Variants in HSPA12A observed in about 807,000 individuals in gnomAD.
HSPA12A encodes the protein heat shock protein family A (Hsp70) member 12A, also known as heat shock 70 kDa protein 12A.
HSPA12A carries 28 observed loss-of-function variants against 69.2 expected under a neutral mutation model. That is an observed-to-expected ratio of 0.40 (90% CI 0.30 to 0.55). The LOEUF (loss-of-function observed/expected upper bound fraction) is 0.55. HSPA12A is among the 20% of genes least tolerant of loss of function. HSPA12A has a pLI of 0.38. For missense variants in HSPA12A, 686 were observed against 900.7 expected (o/e 0.76, Z 3.05); for synonymous variants, 345 against 370.5 (o/e 0.93, Z 0.79).
At chr10:116,773,997 C>G (rs1564815378) in intron 2 of HSPA12A, among the ~76,000 whole-genome samples, 1 of 151,874 alleles carries the variant, frequency 6.6e-6, no homozygotes, top group Admixed American at 6.5e-5. Context: ...GTGGGGGAAC[C>G]TGCTCTGTGG....
intron 2 of HSPA12A, among the ~76,000 whole-genome samples, chr10:116,778,421 G>A (rs538480675): frequency 2.6e-5 from 4 of 152,268 alleles, no homozygotes; most frequent in East Asian, 1.9e-4. Context: ...AGGCAGAATC[G>A]CCCTGACACG....
chr10:116,729,035 ACCTCACTAGT>A (rs1285045181), intron 1 of HSPA12A, among the ~76,000 whole-genome samples: 1 of 152,082 alleles, frequency 6.6e-6, no homozygotes, highest in Non-Finnish European at 1.5e-5. Flanking sequence ...TTTAGGCCAA[ACCTCACTAGT>A]CCTGGCTCTC....
rs781185638 is a variant in HSPA12A, at chr10:116,809,938, G to A, written c.91+24997C>T. Among the ~76,000 whole-genome samples the A allele has an allele frequency of 6.0e-4, 91 of 152,322 alleles. 1 individual carries two copies. The highest frequency in any genetic ancestry group is 9.2e-4 in the Admixed American group (14 of 15,300). Reference sequence around the variant, plus strand: ...CATGGCTGGTTCTTCCAGTCGCACAGGATCCCTGGGGAGGGACCCGGGGAA... The same window carrying A: ...CATGGCTGGTTCTTCCAGTCGCACAAGATCCCTGGGGAGGGACCCGGGGAA... On this transcript the variant is annotated intron_variant, in intron 2 of 12. Coordinates refer to the HSPA12A transcript ENST00000635765.
At chr10:116,709,973 G>A (rs370737713) in intron 1 of HSPA12A, among the ~76,000 whole-genome samples, 21 of 152,298 alleles carry the variant, frequency 1.4e-4, no homozygotes, top group Admixed American at 2.6e-4. Context: ...GCTATTAGCC[G>A]TGGGCGCTAA....
upstream of HSPA12A, chr10:116,742,718 T>A: frequency 1.9e-6 from 1 of 540,446 alleles, no homozygotes; most frequent in Non-Finnish European, 2.4e-6. Context: ...GGGAACTGCC[T>A]GGCTCCGGAG....
chr10:116,729,224 C>T (rs1851077523), intron 1 of HSPA12A, among the ~76,000 whole-genome samples: 1 of 152,164 alleles, frequency 6.6e-6, no homozygotes, highest in Admixed American at 6.5e-5. Context: ...GTCACAGGAG[C>T]CCACCCCCAA....
At chr10:116,773,024 G>C (rs1844247338) in intron 2 of HSPA12A, among the ~76,000 whole-genome samples, 1 of 152,178 alleles carries the variant, frequency 6.6e-6, no homozygotes, top group Admixed American at 6.5e-5. Context: ...TTCTGAGAAG[G>C]GGCTCATTCA....
intron 5 of HSPA12A, among the ~76,000 whole-genome samples, chr10:116,697,589 C>T (rs568275271): frequency 2.0e-5 from 3 of 152,312 alleles, no homozygotes; most frequent in Non-Finnish European, 2.9e-5. Flanking sequence ...ACCCACCCCA[C>T]TCTCCAGTTA....
chr10:116,759,380 T>C lies in HSPA12A; in HGVS notation c.92-52095A>G, dbSNP rs182375814. ...GTGTCAAGAGGAAGATGTTAATATGTCTTCTTGTGGGTCTTTCTTCTCAGA... is the reference window on the plus strand; with the variant it reads ...GTGTCAAGAGGAAGATGTTAATATGCCTTCTTGTGGGTCTTTCTTCTCAGA... On this transcript the variant is annotated intron_variant, in intron 2 of 12. Transcript: ENST00000635765. Among the ~76,000 whole-genome samples the C allele has an allele frequency of 5.1e-4, 77 of 152,300 alleles. 1 individual carries two copies. Among genetic ancestry groups the C allele is most frequent in the African/African-American group, 1.8e-3 (76 of 41,572 alleles).
chr10:116,744,248 C>T (rs1406278917), upstream of HSPA12A, among the ~76,000 whole-genome samples: 2 of 152,232 alleles, frequency 1.3e-5, no homozygotes, highest in Non-Finnish European at 2.9e-5. Flanking sequence ...ATCACCCGTC[C>T]TCTCATTTCA....
rs1294253138 is a variant in HSPA12A at position 116,723,668 on chromosome 10, G to A, written c.41-16383C>T. 6.6e-6 allele frequency among the ~76,000 whole-genome samples: 1 copy of A among 152,196 alleles called. No individual in the cohort carries two copies. Among genetic ancestry groups the A allele is most frequent in the Admixed American group, 6.5e-5 (1 of 15,288 alleles). ...GGGGCCTCCCCTGACATTCATTCCT[G>A]AGACCCACTGCGCACACGTGCTGAG... On this transcript the variant is annotated intron_variant, in intron 1 of 11. Coordinates refer to ENST00000369209, the MANE Select transcript of HSPA12A (RefSeq NM_025015.3). The surrounding 1 kb of genome is among the most constrained non-coding windows in gnomAD (Gnocchi z 4.1).
chr10:116,794,108 G>A (rs1844762640), intron 2 of HSPA12A, among the ~76,000 whole-genome samples: 1 of 152,112 alleles, frequency 6.6e-6, no homozygotes, highest in Non-Finnish European at 1.5e-5. Context: ...GGGTGGCTGA[G>A]GCAGGAGAAT....
Position 116,839,910 on chromosome 10 carries a change from C to CT in HSPA12A, c.4-4889dup, listed in dbSNP as rs973650502. On this transcript the variant is annotated intron_variant, in intron 1 of 12. Coordinates refer to the HSPA12A transcript ENST00000635765. ...AGTTTTGTGCCAAGAAGGTTAGTGCCTTTTTTTTTTTCTTTAGTATTGGGG... is the reference window on the plus strand; with the variant it reads ...AGTTTTGTGCCAAGAAGGTTAGTGCCTTTTTTTTTTTTCTTTAGTATTGGGG... Among the ~76,000 whole-genome samples the CT allele has an allele frequency of 4.6e-3, 662 of 144,638 alleles. 2 individuals are homozygous for CT. Among genetic ancestry groups the CT allele is most frequent in the African/African-American group, 0.014 (574 of 39,756 alleles). The allele number at this position is 144,638 out of a possible 152,430, so 94.9% of individuals were successfully genotyped here. A position where few individuals can be genotyped will look rare whatever the true frequency, so the allele number is the denominator to read the frequency against.
At chr10:116,701,634 C>G (rs553600264) in intron 3 of HSPA12A, among the ~76,000 whole-genome samples, 3 of 152,160 alleles carry the variant, frequency 2.0e-5, no homozygotes, top group Non-Finnish European at 2.9e-5. Flanking sequence ...CGGGGGAGAA[C>G]TGAAGAAGAG....
intron 2 of HSPA12A, among the ~76,000 whole-genome samples, chr10:116,792,613 C>CAAAAAA (rs56344323): frequency 5.6e-5 from 6 of 108,020 alleles, no homozygotes; most frequent in African/African-American, 2.3e-4. Flanking sequence ...CTTGCATCTA[C>CAAAAAA]AAAAAAAAAA....
chr10:116,797,099 A>G (rs1430209050), intron 2 of HSPA12A, among the ~76,000 whole-genome samples: 2 of 152,158 alleles, frequency 1.3e-5, no homozygotes, highest in Non-Finnish European at 2.9e-5. Flanking sequence ...GAGAGCACGC[A>G]CTTGCTGCAG....
At chr10:116,824,822 TG>T (rs372679445) in intron 2 of HSPA12A, among the ~76,000 whole-genome samples, 2 of 151,938 alleles carry the variant, frequency 1.3e-5, no homozygotes, top group African/African-American at 4.8e-5. Context: ...TTAGTAGAGA[TG>T]GGGTTTCACC....
chr10:116,695,240 A>G (rs1005174731), intron 5 of HSPA12A, among the ~76,000 whole-genome samples: 1 of 151,508 alleles, frequency 6.6e-6, no homozygotes, highest in Non-Finnish European at 1.5e-5. Context: ...GGGGTCTCTC[A>G]CTCTATGCTG....
intron 2 of HSPA12A, among the ~76,000 whole-genome samples, chr10:116,818,894 C>T (rs1399515001): frequency 1.3e-5 from 2 of 152,134 alleles, no homozygotes; most frequent in African/African-American, 4.8e-5. Flanking sequence ...TCTCCAGGAG[C>T]AATCATCGCA....
Sources: allele counts gnomAD v4.1 joint callset (sites outside exome capture counted in the v4.1 genomes callset), GRCh38; gene constraint gnomAD v4.1.1; non-coding constraint Gnocchi (gnomAD v3.1); transcripts MANE v1.5; gene names NCBI Gene and HGNC (gene_info 2026-07-23, HGNC 2026-07-21).